Variants in TPTE2 observed in about 807,000 individuals in gnomAD.
TPTE2 encodes transmembrane phosphoinositide 3-phosphatase and tensin homolog 2.
Under a neutral mutation model 78.6 loss-of-function variants are expected in TPTE2, and 53 were observed. That is an observed-to-expected ratio of 0.67 (90% CI 0.54 to 0.85). The LOEUF (loss-of-function observed/expected upper bound fraction) is 0.85. Ranked by LOEUF, TPTE2 falls within the 40% of genes least tolerant of loss-of-function variation. The pLI is 0.00. For missense variants in TPTE2, 461 were observed against 623.0 expected (o/e 0.74, Z 2.77); for synonymous variants, 175 against 206.2 (o/e 0.85, Z 1.30).
At chr13:19,517,558 AT>A (rs1188895659) in intron 1 of TPTE2, among the ~76,000 whole-genome samples, 2 of 152,158 alleles carry the variant, frequency 1.3e-5, no homozygotes, top group Non-Finnish European at 2.9e-5. Flanking sequence ...AAAACTTTAC[AT>A]GATTTTAATT....
At chr13:19,442,567 T>C (rs1306441084) in intron 13 of TPTE2, among the ~76,000 whole-genome samples, 1 of 151,632 alleles carries the variant, frequency 6.6e-6, no homozygotes, top group Non-Finnish European at 1.5e-5. Flanking sequence ...GATATCATAG[T>C]AATTGATGAA....
intron 3 of TPTE2, among the ~76,000 whole-genome samples, chr13:19,488,039 G>C (rs1880762475): frequency 6.6e-6 from 1 of 152,188 alleles, no homozygotes; most frequent in South Asian, 2.1e-4. Context: ...TCCAGATGGG[G>C]CAGAAGGGGC....
rs140345906 is a variant in TPTE2, at chr13:19,455,966, G to A, written c.742-4741C>T. Reference sequence around the variant, plus strand: ...TAGTGAAGCATGAAATTCTTTCCACGTGGGTTTGGGAACAGGGCAAGGTTG... The same window carrying A: ...TAGTGAAGCATGAAATTCTTTCCACATGGGTTTGGGAACAGGGCAAGGTTG... On this transcript the variant is annotated intron_variant, in intron 10 of 19. Transcript: ENST00000400230. Among the ~76,000 whole-genome samples the A allele has an allele frequency of 5.0e-3, 754 of 152,180 alleles. 7 individuals carry two copies. The highest frequency in any genetic ancestry group is 0.017 in the African/African-American group (718 of 41,520).
At position 19,436,317 on chromosome 13, in the gene TPTE2, G is replaced by C; in HGVS notation, c.1036-11C>G. 6.2e-7 allele frequency: 1 copy of C among 1,610,086 alleles called. No homozygotes were observed. The highest frequency in any genetic ancestry group is 8.5e-7 in the Non-Finnish European group (1 of 1,177,592). On this transcript the variant is annotated splice_polypyrimidine_tract_variant and intron_variant, in intron 14 of 19. Coordinates refer to ENST00000400230, the Ensembl canonical transcript of TPTE2. The stretch of plus-strand genomic sequence containing the variant: ...ATAATATAGGCTTTCCTACAAAAAA[G>C]GGTACAATCCAACCATGGTTCATCT...
At chr13:19,436,298 T>C (rs147217459) in exon 15 of TPTE2, 47 of 1,612,918 alleles carry the variant, frequency 2.9e-5, no homozygotes, top group African/African-American at 2.8e-4. Context: ...CAAAATAATA[T>C]AGGCTTTCCT....
At chr13:19,537,866 A>G (rs1160780923), upstream of TPTE2, among the ~76,000 whole-genome samples, 1 of 152,056 alleles carries the variant, frequency 6.6e-6, no homozygotes, top group Non-Finnish European at 1.5e-5. Flanking sequence ...CAGCCTCCCA[A>G]AGTGCTGGGA....
the TPTE2 span, chr13:19,560,732 C>T: frequency 3.4e-6 from 5 of 1,473,848 alleles, no homozygotes; most frequent in East Asian, 6.8e-5. Context: ...GGGCCTCCAG[C>T]GACTGCCAGG....
At chr13:19,556,512 T>C in the TPTE2 span, among the ~76,000 whole-genome samples, 2 of 152,078 alleles carry the variant, frequency 1.3e-5, no homozygotes, top group Non-Finnish European at 1.5e-5. Context: ...TAGGAACTTA[T>C]CTATTATGTA....
intron 6 of TPTE2, among the ~76,000 whole-genome samples, chr13:19,472,694 T>C (rs1273431899): frequency 6.6e-6 from 1 of 152,206 alleles, no homozygotes; most frequent in Non-Finnish European, 1.5e-5. Context: ...GGTGAGGTCA[T>C]GTTTTCCTGG....
intron 3 of TPTE2, among the ~76,000 whole-genome samples, chr13:19,491,759 A>G (rs1330296378): frequency 6.6e-6 from 1 of 152,116 alleles, no homozygotes. Flanking sequence ...CGGGAGATGG[A>G]GGTTACAGGG....
chr13:19,529,167 C>T (rs1048373575), intron 1 of TPTE2, among the ~76,000 whole-genome samples: 1 of 152,008 alleles, frequency 6.6e-6, no homozygotes, highest in Non-Finnish European at 1.5e-5. Flanking sequence ...TTCTTGTAAC[C>T]CAAGGCAACT....
At chr13:19,553,564 G>C in the TPTE2 span, among the ~76,000 whole-genome samples, 1 of 152,138 alleles carries the variant, frequency 6.6e-6, no homozygotes, top group African/African-American at 2.4e-5. Flanking sequence ...TCCACTAACA[G>C]GTGAATAAGT....
At chr13:19,499,719 C>G (rs1441558622) in intron 1 of TPTE2, among the ~76,000 whole-genome samples, 1 of 133,276 alleles carries the variant, frequency 7.5e-6, no homozygotes, top group Non-Finnish European at 1.6e-5. Context: ...AATTGACACC[C>G]TAACATCACA....
In TPTE2 at chr13:19,424,960, TA is replaced by T; in HGVS notation, c.1452del (p.Phe484LeufsTer43). ...TTATATTCATACCTGTTATTTTGAA[TA>T]AAAGACGTGTTGAACCAGAAGAAAA... On this transcript the variant is annotated frameshift_variant, in exon 19 of 20. Coordinates refer to ENST00000400230, the Ensembl canonical transcript of TPTE2. LOFTEE classifies it low-confidence loss of function (END_TRUNC). 1 of 1,527,674 alleles carries T rather than the reference TA, an allele frequency of 6.5e-7. No individual in the cohort carries two copies. The highest frequency in any genetic ancestry group is 1.2e-5 in the South Asian group (1 of 83,744). 94.6% of individuals were successfully genotyped at this position (1,527,674 alleles called of 1,614,324 possible). A position where few individuals can be genotyped will look rare whatever the true frequency, so the allele number is the denominator to read the frequency against.
chr13:19,498,345 G>A (rs1442792392), intron 1 of TPTE2, among the ~76,000 whole-genome samples: 2 of 152,006 alleles, frequency 1.3e-5, no homozygotes, highest in Non-Finnish European at 2.9e-5. Context: ...ACACATAATT[G>A]TCAGATTCAC....
chr13:19,478,553 C>G (rs540978715), intron 4 of TPTE2, among the ~76,000 whole-genome samples: 1 of 152,332 alleles, frequency 6.6e-6, no homozygotes, highest in South Asian at 2.1e-4. Flanking sequence ...CACTTTTACA[C>G]TGTTGGTGGG....
Position 19,444,860 on chromosome 13 carries a change from G to T in TPTE2, c.973+5216C>A, listed in dbSNP as rs186751420. On this transcript the variant is annotated intron_variant, in intron 13 of 19. Transcript: ENST00000400230. ...ATAGAAAGGTCAGAAACAGATTCAT[G>T]TTCTTCAGGGTAGCAAAGAAATGAA... 4.2e-3 allele frequency among the ~76,000 whole-genome samples: 634 copies of T among 152,312 alleles called. 5 individuals carry two copies. The highest frequency in any genetic ancestry group is 0.026 in the South Asian group (125 of 4,828).
chr13:19,472,228 G>T (rs1016661380), intron 6 of TPTE2, among the ~76,000 whole-genome samples: 1 of 151,992 alleles, frequency 6.6e-6, no homozygotes, highest in East Asian at 1.9e-4. Flanking sequence ...GGTTTGGGAC[G>T]TTCTGTTACT....
At chr13:19,470,161 G>T (rs1566054113) in intron 6 of TPTE2, among the ~76,000 whole-genome samples, 1 of 152,016 alleles carries the variant, frequency 6.6e-6, no homozygotes, top group Non-Finnish European at 1.5e-5. Flanking sequence ...ACTGACTGTG[G>T]GTCTGTCATA....
Sources: gnomAD v4.1 joint callset for allele counts (sites outside exome capture counted in the v4.1 genomes callset) on GRCh38, gnomAD v4.1.1 for gene constraint, MANE v1.5 for transcripts, NCBI Gene and HGNC (gene_info 2026-07-23, HGNC 2026-07-21) for gene names.